AUTS2: variants seen among roughly 807,000 people sequenced by gnomAD.
The protein encoded by AUTS2 is activator of transcription and developmental regulator AUTS2, also known as autism susceptibility gene 2 protein.
AUTS2 carries 17 observed loss-of-function variants against 112.4 expected under a neutral mutation model. That is an observed-to-expected ratio of 0.15 (90% CI 0.10 to 0.23). The LOEUF (loss-of-function observed/expected upper bound fraction) is 0.23, where lower values mean the gene tolerates loss of function less well. Among genes scored for constraint, AUTS2 ranks in the 10% least tolerant of loss-of-function variants. The pLI is 1.00. For missense variants in AUTS2, 1,510 were observed against 1,701.6 expected (o/e 0.89, Z 1.98); for synonymous variants, 751 against 702.7 (o/e 1.07, Z -1.09).
chr7:69,717,803 G>A (rs1798699495), intron 1 of AUTS2, among the ~76,000 whole-genome samples: 1 of 152,110 alleles, frequency 6.6e-6, no homozygotes, highest in Non-Finnish European at 1.5e-5. Flanking sequence ...CCCAATATAT[G>A]CAGTGTCCTT....
At chr7:70,381,130 A>G (rs989407338) in intron 4 of AUTS2, among the ~76,000 whole-genome samples, 6 of 152,216 alleles carry the variant, frequency 3.9e-5, no homozygotes, top group African/African-American at 1.4e-4. Flanking sequence ...ACACTGAAAT[A>G]GGATGAAATA....
chr7:70,476,253 C>T (rs925451559), intron 5 of AUTS2, among the ~76,000 whole-genome samples: 21 of 152,068 alleles, frequency 1.4e-4, no homozygotes, highest in African/African-American at 4.8e-4. Context: ...ATGATTCGTC[C>T]AGTGAGTACA....
In AUTS2 at chr7:70,631,712, C is replaced by T. The variant is rs898786442; in HGVS notation, c.691-66857C>T. Among the ~76,000 whole-genome samples the T allele has an allele frequency of 6.6e-6, 1 of 152,170 alleles. No homozygotes were observed. The highest frequency in any genetic ancestry group is 1.5e-5 in the Non-Finnish European group (1 of 68,036). ...CCATTTATAGCCCCATGTCCCCAACCTTAGCCTTTGCACGGTTGGCTGGGC... is the reference window on the plus strand; with the variant it reads ...CCATTTATAGCCCCATGTCCCCAACTTTAGCCTTTGCACGGTTGGCTGGGC... On this transcript the variant is annotated intron_variant, in intron 5 of 18. Transcript: ENST00000342771. The surrounding 1 kb of genome is among the most constrained non-coding windows in gnomAD (Gnocchi z 4.5).
chr7:69,656,542 A>G (rs913415928), intron 1 of AUTS2, among the ~76,000 whole-genome samples: 1 of 152,140 alleles, frequency 6.6e-6, no homozygotes, highest in Non-Finnish European at 1.5e-5. Flanking sequence ...TGTTGGCCAG[A>G]TAATGTATCC....
At chr7:70,532,526 A>T (rs1181147960) in intron 5 of AUTS2, among the ~76,000 whole-genome samples, 2 of 152,184 alleles carry the variant, frequency 1.3e-5, no homozygotes, top group Non-Finnish European at 2.9e-5. Flanking sequence ...ATACCAGGGT[A>T]TCAGACACCA....
intron 4 of AUTS2, among the ~76,000 whole-genome samples, chr7:70,300,696 G>A (rs1327275671): frequency 2.0e-5 from 3 of 152,160 alleles, no homozygotes; most frequent in Non-Finnish European, 2.9e-5. Flanking sequence ...GTTTTGGGAA[G>A]GGATTGAGCT....
At chr7:70,430,160 G>C (rs905041329) in intron 4 of AUTS2, among the ~76,000 whole-genome samples, 3 of 152,150 alleles carry the variant, frequency 2.0e-5, no homozygotes, top group Admixed American at 1.3e-4. Flanking sequence ...GAGAGAGGAA[G>C]ATAAGTCCGC....
At chr7:70,620,703 G>A (rs1804627820) in intron 5 of AUTS2, among the ~76,000 whole-genome samples, 1 of 152,142 alleles carries the variant, frequency 6.6e-6, no homozygotes, top group Admixed American at 6.5e-5. Flanking sequence ...GAACTTCTGG[G>A]AGCTAGCTGA....
chr7:69,733,029 G>T (rs1786868478), intron 1 of AUTS2, among the ~76,000 whole-genome samples: 1 of 152,172 alleles, frequency 6.6e-6, no homozygotes, highest in Admixed American at 6.6e-5. Flanking sequence ...CTGTTTAGCA[G>T]CTTGCTTTTT....
intron 1 of AUTS2, among the ~76,000 whole-genome samples, chr7:69,682,978 A>T (rs1420534593): frequency 1.3e-5 from 2 of 152,198 alleles, no homozygotes; most frequent in Non-Finnish European, 2.9e-5. Flanking sequence ...ATAGATACAC[A>T]TGGAGTGGTT....
chr7:70,458,145 G>A (rs1453182561), intron 5 of AUTS2, among the ~76,000 whole-genome samples: 3 of 152,212 alleles, frequency 2.0e-5, no homozygotes, highest in Non-Finnish European at 2.9e-5. Flanking sequence ...AGAAGGAGCA[G>A]TGGGGGCCCT....
intron 2 of AUTS2, among the ~76,000 whole-genome samples, chr7:69,920,078 G>A (rs1795748195): frequency 6.6e-6 from 1 of 150,984 alleles, no homozygotes; most frequent in Admixed American, 6.6e-5. Context: ...TGGGGTGGGC[G>A]GGGGTGGGCA....
intron 5 of AUTS2, among the ~76,000 whole-genome samples, 199 bp from the exon 6 acceptor site, chr7:70,698,369 TC>T (rs201662774): frequency 6.7e-6 from 1 of 150,154 alleles, no homozygotes; most frequent in African/African-American, 2.5e-5. Flanking sequence ...CAGATTTTTT[TC>T]CCCCCAGCAA....
At chr7:70,671,310 A>G (rs1807628923) in intron 5 of AUTS2, among the ~76,000 whole-genome samples, 9 of 152,246 alleles carry the variant, frequency 5.9e-5, no homozygotes, top group Admixed American at 5.9e-4. Context: ...CATAGCCTTC[A>G]TAAAATGACT....
rs114285518 is a variant in AUTS2, at chr7:70,410,663, C to T, written c.661-25089C>T. On this transcript the variant is annotated intron_variant, in intron 4 of 18. Transcript: ENST00000342771. The stretch of plus-strand genomic sequence containing the variant: ...GTCTGAAACTCAGGCTCAAGTGATC[C>T]GCCCTCCTCAGCCTCCAAAAGTGCC... Among the ~76,000 whole-genome samples the T allele has an allele frequency of 2.0e-3, 306 of 151,582 alleles. 2 individuals are homozygous for T. The highest frequency in any genetic ancestry group is 6.7e-3 in the African/African-American group (277 of 41,380).
At chr7:69,613,201 C>G (rs1362680619) in intron 1 of AUTS2, among the ~76,000 whole-genome samples, 2 of 152,176 alleles carry the variant, frequency 1.3e-5, no homozygotes, top group Admixed American at 1.3e-4. Flanking sequence ...CATACAGATG[C>G]ATTTTGTGAA....
intron 5 of AUTS2, 133 bp downstream of exon 5, chr7:70,435,914 T>A: frequency 1.1e-6 from 1 of 895,396 alleles, no homozygotes; most frequent in Admixed American, 2.1e-5. Flanking sequence ...AAGATGGGCA[T>A]TATTCACACA....
At chr7:69,807,921 G>C (rs955571657) in intron 1 of AUTS2, among the ~76,000 whole-genome samples, 18 of 151,846 alleles carry the variant, frequency 1.2e-4, no homozygotes, top group South Asian at 4.2e-4. Context: ...CACTCAAGGG[G>C]AGGAGAATTA....
intron 2 of AUTS2, among the ~76,000 whole-genome samples, chr7:69,968,245 T>A (rs1797708742): frequency 6.6e-6 from 1 of 152,220 alleles, no homozygotes; most frequent in Non-Finnish European, 1.5e-5. Context: ...CTTACTCATT[T>A]GTAGTCTTAC....
Sources: allele counts gnomAD v4.1 joint callset (sites outside exome capture counted in the v4.1 genomes callset), GRCh38; gene constraint gnomAD v4.1.1; non-coding constraint Gnocchi (gnomAD v3.1); transcripts MANE v1.5; gene names NCBI Gene and HGNC (gene_info 2026-07-23, HGNC 2026-07-21).